VWDE: variants seen among roughly 807,000 people sequenced by gnomAD.
The protein encoded by VWDE is von Willebrand factor D and EGF domain-containing protein.
Under a neutral mutation model 178.4 loss-of-function variants are expected in VWDE, and 207 were observed. That is an observed-to-expected ratio of 1.16 (90% CI 1.04 to 1.30). The LOEUF is 1.30. Ranked by LOEUF, VWDE falls within the 50% of genes most tolerant of loss-of-function variation. VWDE has a pLI of 0.00. For synonymous variants in VWDE, 738 were observed against 651.4 expected, an observed-to-expected ratio of 1.13 and a Z score of -2.02; for missense variants, 2,287 against 1,901.3, an observed-to-expected ratio of 1.20 and a Z score of -3.77.
intron 24 of VWDE, 91 bp from the exon 25 acceptor site, chr7:12,337,363 CAT>C: frequency 9.2e-7 from 1 of 1,081,608 alleles, no homozygotes; most frequent in Non-Finnish European, 1.4e-6. Flanking sequence ...TCAATGAGGA[CAT>C]AAGGCAGAGA....
chr7:12,369,323 C>T (rs1224677036), intron 12 of VWDE, among the ~76,000 whole-genome samples: 5 of 152,078 alleles, frequency 3.3e-5, no homozygotes, highest in Admixed American at 3.3e-4. Context: ...AGTGCCAGAT[C>T]ACACTGTGCC....
intron 1 of VWDE, among the ~76,000 whole-genome samples, chr7:12,395,821 T>G (rs936935397): frequency 1.1e-4 from 17 of 152,196 alleles, no homozygotes; most frequent in Middle Eastern, 6.8e-3. Flanking sequence ...TACAGTTAAG[T>G]GAGGATTATA....
chr7:12,364,218 G>C (rs1583308039), intron 13 of VWDE, among the ~76,000 whole-genome samples: 2 of 152,152 alleles, frequency 1.3e-5, no homozygotes, highest in East Asian at 3.9e-4. Context: ...AGTTACGTGT[G>C]TGTATAAGTG....
chr7:12,360,269 AGG>A, intron 15 of VWDE, among the ~76,000 whole-genome samples: 7 of 152,218 alleles, frequency 4.6e-5, no homozygotes, highest in Non-Finnish European at 8.8e-5. Flanking sequence ...AATGTTATTC[AGG>A]AAATATAAAC....
At chr7:12,340,264 C>A in intron 24 of VWDE, 58 bp downstream of exon 24, 2 of 1,313,460 alleles carry the variant, frequency 1.5e-6, no homozygotes, top group South Asian at 2.6e-5. Flanking sequence ...TTACTCAGAG[C>A]TCTGTTGATA....
chr7:12,342,993 G>T, intron 22 of VWDE, 90 bp downstream of exon 22: 1 of 905,348 alleles, frequency 1.1e-6, no homozygotes, highest in Non-Finnish European at 1.7e-6. Flanking sequence ...TCTTTACGTA[G>T]AGTTTGGGTT....
intron 1 of VWDE, among the ~76,000 whole-genome samples, chr7:12,401,892 A>T (rs890125745): frequency 6.6e-6 from 1 of 152,206 alleles, no homozygotes; most frequent in African/African-American, 2.4e-5. Flanking sequence ...AAACAACTCA[A>T]ATGTTCATCA....
chr7:12,353,057 CA>C (rs935201085), intron 18 of VWDE, among the ~76,000 whole-genome samples: 1 of 152,080 alleles, frequency 6.6e-6, no homozygotes, highest in African/African-American at 2.4e-5. Context: ...AATTCCCCTC[CA>C]AAAAAACTTG....
At position 12,361,345 on chromosome 7, in the gene VWDE, AGAT is replaced by A; in HGVS notation, c.3054+18_3054+20del. 1.3e-6 allele frequency: 2 copies of A among 1,545,266 alleles called. No individual in the cohort carries two copies. Among genetic ancestry groups the A allele is most frequent in the Non-Finnish European group, 1.7e-6 (2 of 1,144,504 alleles). The stretch of plus-strand genomic sequence containing the variant: ...GTATTTACTTTGTTTATAAATATGA[AGAT>A]GTCTTTTTATTTTTTACCTTCAACT... On this transcript the variant is annotated intron_variant, in intron 14 of 28. Transcript: ENST00000275358.
At chr7:12,366,276 T>G (rs1180931927) in intron 13 of VWDE, among the ~76,000 whole-genome samples, 1 of 152,128 alleles carries the variant, frequency 6.6e-6, no homozygotes, top group East Asian at 1.9e-4. Context: ...GATTTTACTC[T>G]GTATTTATCA....
At position 12,364,063 on chromosome 7, in the gene VWDE, C is replaced by T. The variant is rs933968853; in HGVS notation, c.2899-2542G>A. 3.3e-5 allele frequency among the ~76,000 whole-genome samples: 5 copies of T among 152,018 alleles called. No homozygotes were observed. The East Asian group carries it at 9.7e-4, about 29-fold the overall frequency. ...GAAACCAGGTAAATATATTGTGGATCATGAGAGCCAGTTTTCACTTGTAAA... is the reference window on the plus strand; with the variant it reads ...GAAACCAGGTAAATATATTGTGGATTATGAGAGCCAGTTTTCACTTGTAAA... On this transcript the variant is annotated intron_variant, in intron 13 of 28. Transcript: ENST00000275358.
intron 28 of VWDE, among the ~76,000 whole-genome samples, chr7:12,331,449 C>T (rs1780715888): frequency 6.6e-6 from 1 of 152,114 alleles, no homozygotes. Context: ...ACTTTAGAAA[C>T]ATCCATGCCC....
chr7:12,402,960 C>T (rs1784977414), intron 1 of VWDE, among the ~76,000 whole-genome samples: 1 of 151,932 alleles, frequency 6.6e-6, no homozygotes, highest in South Asian at 2.1e-4. Context: ...AACAAGTCAC[C>T]TTTCATTAAT....
At chr7:12,363,518 C>G (rs749282341) in intron 13 of VWDE, among the ~76,000 whole-genome samples, 14 of 151,820 alleles carry the variant, frequency 9.2e-5, no homozygotes, top group Non-Finnish European at 1.6e-4. Flanking sequence ...GAATCTCTAG[C>G]TAAAGACTTG....
rs1044805841 is a variant in VWDE, at chr7:12,374,576, G to A, written c.1316+113C>T. On this transcript the variant is annotated intron_variant, in intron 9 of 28. Coordinates refer to ENST00000275358, the MANE Select transcript of VWDE (RefSeq NM_001135924.3). ...TGAAACAAGCCAGTAATGCCTTTCT[G>A]TCTAATTTCAGTGACTAGGACTAAA... The A allele has an allele frequency of 2.0e-4, 140 of 690,768 alleles. 2 individuals carry two copies. In the African/African-American group the frequency reaches 2.3e-3, roughly 11 times the overall value. The allele number at this position is 690,768 out of a possible 1,614,324, so 42.8% of individuals were successfully genotyped here.
At position 12,389,187 on chromosome 7, in the gene VWDE, C is replaced by G; in HGVS notation, c.415G>C (p.Gly139Arg). Residue 139 changes from glycine to arginine, a missense_variant, in exon 3 of 29, where the codon GGG (glycine) becomes CGG (arginine). By Grantham distance (125) the Gly-to-Arg change is moderately radical. Transcript: ENST00000275358. The part of the protein sequence containing the change: ...FQIPVSVRNC[G>R]NFSVYLLQPT... The stretch of plus-strand genomic sequence containing the variant: ...TGTAGTAAGTATACAGAAAAGTTCC[C>G]ACAGTTTCTTACAGACACTGGGATT... 1 of 1,551,920 alleles carries G rather than the reference C, an allele frequency of 6.4e-7. No individual in the cohort carries two copies. The highest frequency in any genetic ancestry group is 8.7e-7 in the Non-Finnish European group (1 of 1,147,030).
intron 23 of VWDE, among the ~76,000 whole-genome samples, chr7:12,341,346 A>T (rs575200257): frequency 1.1e-4 from 17 of 152,284 alleles, no homozygotes; most frequent in Non-Finnish European, 2.1e-4. Context: ...CAAAGAAACA[A>T]GCTTACGCCG....
chr7:12,402,396 T>C (rs1474480449), intron 1 of VWDE, among the ~76,000 whole-genome samples: 1 of 152,234 alleles, frequency 6.6e-6, no homozygotes, highest in East Asian at 1.9e-4. Flanking sequence ...ATTTACCTCG[T>C]CTTCTAGTTT....
intron 1 of VWDE, among the ~76,000 whole-genome samples, chr7:12,398,030 T>A (rs1434560556): frequency 6.6e-6 from 1 of 152,146 alleles, no homozygotes; most frequent in African/African-American, 2.4e-5. Flanking sequence ...AAAAAAGAAC[T>A]ATCATTCAAC....
Sources: allele counts gnomAD v4.1 joint callset (sites outside exome capture counted in the v4.1 genomes callset), GRCh38; gene constraint gnomAD v4.1.1; transcripts MANE v1.5; gene names NCBI Gene and HGNC (gene_info 2026-07-23, HGNC 2026-07-21).